Variants in ZDHHC16 observed in about 807,000 individuals in gnomAD.
The protein encoded by ZDHHC16 is palmitoyltransferase ZDHHC16.
In ZDHHC16, 33 loss-of-function variants were observed where a neutral mutation model predicts 54.4. The observed-to-expected ratio is 0.61, with a 90% CI of 0.46 to 0.81. The LOEUF (loss-of-function observed/expected upper bound fraction) is 0.81. ZDHHC16 is among the 30% of genes least tolerant of loss of function. ZDHHC16 has a pLI of 0.00. For synonymous variants in ZDHHC16, 185 were observed against 182.1 expected (o/e 1.02, Z -0.13); for missense variants, 420 against 485.9 (o/e 0.86, Z 1.28).
intron 1 of ZDHHC16, among the ~76,000 whole-genome samples, chr10:97,448,586 G>A (rs1452940313): frequency 1.3e-5 from 2 of 152,100 alleles, no homozygotes; most frequent in Non-Finnish European, 2.9e-5. Context: ...GCGAAACCCC[G>A]TCTCTACTAA....
chr10:97,448,005 C>T (rs1846263563), intron 1 of ZDHHC16, among the ~76,000 whole-genome samples: 1 of 152,222 alleles, frequency 6.6e-6, no homozygotes, highest in African/African-American at 2.4e-5. Flanking sequence ...TCCCATACCC[C>T]ATTAGCTAAT....
chr10:97,446,552 A>G (rs1162874226), intron 1 of ZDHHC16, among the ~76,000 whole-genome samples, 199 bp downstream of exon 1: 1 of 152,142 alleles, frequency 6.6e-6, no homozygotes, highest in Non-Finnish European at 1.5e-5. Context: ...AAGCGACCCA[A>G]CTCGTCTGTT....
At chr10:97,456,107 T>C in intron 11 of ZDHHC16, 63 bp downstream of exon 11, 1 of 1,555,668 alleles carries the variant, frequency 6.4e-7, no homozygotes, top group African/African-American at 1.4e-5. Flanking sequence ...AGATGTTCTA[T>C]GCCTGTGAGC....
At chr10:97,448,826 A>G (rs941208301) in intron 1 of ZDHHC16, among the ~76,000 whole-genome samples, 2 of 152,216 alleles carry the variant, frequency 1.3e-5, no homozygotes. Context: ...TAATCTAGAA[A>G]TGATTTAAAG....
chr10:97,455,669 A>G lies in ZDHHC16; in HGVS notation c.834A>G (p.Ala278=), dbSNP rs751303653. 1 of 1,614,166 alleles carries G rather than the reference A, an allele frequency of 6.2e-7. No individual in the cohort carries two copies. Among genetic ancestry groups the G allele is most frequent in the Non-Finnish European group, 8.5e-7 (1 of 1,180,034 alleles). Residue 278 remains alanine, a synonymous_variant, in exon 10 of 12, where the codon GCA becomes GCG. Transcript: ENST00000393760. ...VYLWFLCSSV[A]LALGALTVWH... is the part of the protein sequence containing the mutation. ...GCCCCTCTTTTCTTAGTTCTGTGGC[A>G]CTTGCCCTGGGTGCCCTAACTGTAT...
intron 1 of ZDHHC16, among the ~76,000 whole-genome samples, chr10:97,447,293 A>G (rs1380852402): frequency 6.6e-6 from 1 of 152,244 alleles, no homozygotes; most frequent in Non-Finnish European, 1.5e-5. Context: ...GTCTTTGTCC[A>G]GATGACATTC....
In ZDHHC16 at chr10:97,452,475, C is replaced by T. The variant is rs138262030; in HGVS notation, c.499C>T (p.Arg167Ter). 31 of 1,614,078 alleles carry T rather than the reference C, an allele frequency of 1.9e-5. No individual in the cohort carries two copies. Among genetic ancestry groups the T allele is most frequent in the South Asian group, 5.5e-5 (5 of 91,084 alleles). Residue 167 changes from arginine to a stop codon, truncating the protein, a stop_gained, in exon 5 of 12, where the codon CGA becomes TGA. Coordinates refer to ENST00000393760, the MANE Select transcript of ZDHHC16 (RefSeq NM_198046.3). LOFTEE classifies it high-confidence loss of function. ...GAAGTGCATTTACCCCAAGCCAGCC[C>T]GAACACACCACTGCAGCATCTGCAA... ...CKKCIYPKPA[R>*]THHCSICNRC...
Position 97,456,012 on chromosome 10 carries a change from C to T in ZDHHC16, c.987C>T (p.Asn329=), listed in dbSNP as rs2133235748. 6.2e-7 allele frequency: 1 copy of T among 1,614,154 alleles called. No homozygotes were observed. The highest frequency in any genetic ancestry group is 8.5e-7 in the Non-Finnish European group (1 of 1,180,006). ...RNPYNYGCLD[N]WKVFLGVDTG... The stretch of plus-strand genomic sequence containing the variant: ...CTTACAACTACGGCTGCTTGGACAA[C>T]TGGAAGGTATTCCTGGGTGTGGATA... Residue 329 remains asparagine (N), a synonymous_variant, in exon 11 of 12, where the codon AAC becomes AAT. Transcript: ENST00000393760.
At chr10:97,453,231 T>C (rs943563423) in intron 6 of ZDHHC16, among the ~76,000 whole-genome samples, 4 of 152,196 alleles carry the variant, frequency 2.6e-5, no homozygotes, top group Non-Finnish European at 4.4e-5. Flanking sequence ...CCAGCTGCTG[T>C]TCCACACAGA....
At position 97,456,085 on chromosome 10, in the gene ZDHHC16, CTG is replaced by C. The variant is rs139199872; in HGVS notation, c.1019+44_1019+45del. 8.4e-3 allele frequency: 13,340 copies of C among 1,596,612 alleles called. 75 individuals carry two copies. The highest frequency in any genetic ancestry group is 1.0e-2 in the Non-Finnish European group (11,637 of 1,165,462). Reference sequence around the variant, plus strand: ...CAGACTAATGCTGTCCAACAGAACACTGTGATGAGAAAGATGTTCTATGCCTG... The same window carrying C: ...CAGACTAATGCTGTCCAACAGAACACTGATGAGAAAGATGTTCTATGCCTG... On this transcript the variant is annotated intron_variant, in intron 11 of 11. Transcript: ENST00000393760.
rs567364313 is a variant in ZDHHC16 at position 97,449,837 on chromosome 10, C to A, written c.-185-520C>A. 6.9e-4 allele frequency among the ~76,000 whole-genome samples: 85 copies of A among 123,826 alleles called. 1 individual carries two copies. The South Asian group carries it at 0.014, about 20-fold the overall frequency. The allele number at this position is 123,826 out of a possible 152,430, so 81.2% of individuals were successfully genotyped here. On this transcript the variant is annotated intron_variant, in intron 1 of 11. Coordinates refer to ENST00000393760, the MANE Select transcript of ZDHHC16 (RefSeq NM_198046.3). Reference sequence around the variant, plus strand: ...GAGCCACTGCGCCCGGCCTTTTTTTCTCTTTTCTACACTCCCCTTAATTCT... The same window carrying A: ...GAGCCACTGCGCCCGGCCTTTTTTTATCTTTTCTACACTCCCCTTAATTCT...
intron 8 of ZDHHC16, 30 bp downstream of exon 8, chr10:97,453,876 C>G: frequency 6.2e-7 from 1 of 1,613,928 alleles, no homozygotes. Context: ...CTGCCTCCTG[C>G]TGCTCAGGCC....
In ZDHHC16 at chr10:97,456,936, A is replaced by T; in HGVS notation, c.*45A>T. On this transcript the variant is annotated 3_prime_UTR_variant, in exon 12 of 12. Transcript: ENST00000393760. ...GACTCGAGCACTCATTCTGCTCCCT[A>T]TGTTATTTCAAGGGCCTCCAAGGGC... The T allele has an allele frequency of 2.1e-6, 3 of 1,462,710 alleles. No individual in the cohort carries two copies. Among genetic ancestry groups the T allele is most frequent in the Non-Finnish European group, 2.8e-6 (3 of 1,081,332 alleles). The allele number at this position is 1,462,710 out of a possible 1,614,324, so 90.6% of individuals were successfully genotyped here. A position where few individuals can be genotyped will look rare whatever the true frequency, so the allele number is the denominator to read the frequency against.
chr10:97,448,618 G>A (rs892179495), intron 1 of ZDHHC16, among the ~76,000 whole-genome samples: 2 of 152,134 alleles, frequency 1.3e-5, no homozygotes, highest in African/African-American at 2.4e-5. Context: ...TTTGCTGGGC[G>A]AGGTGGCAGG....
In ZDHHC16 at chr10:97,449,749, C is replaced by T. The variant is rs537145604; in HGVS notation, c.-185-608C>T. 2.0e-3 allele frequency among the ~76,000 whole-genome samples: 300 copies of T among 151,944 alleles called. 1 individual carries two copies. The highest frequency in any genetic ancestry group is 2.5e-3 in the Non-Finnish European group (172 of 67,924). The stretch of plus-strand genomic sequence containing the variant: ...TTCACCACGTTGGCCAGGCTGGTCT[C>T]AAACTCCTGACCTCAAGTGATCCGC... On this transcript the variant is annotated intron_variant, in intron 1 of 11. Transcript: ENST00000393760.
At position 97,453,529 on chromosome 10, in the gene ZDHHC16, G is replaced by T; in HGVS notation, c.557-1G>T. 6.2e-7 allele frequency: 1 copy of T among 1,613,898 alleles called. No individual in the cohort carries two copies. On this transcript the variant is annotated splice_acceptor_variant, in intron 6 of 11. Coordinates refer to ENST00000393760, the MANE Select transcript of ZDHHC16 (RefSeq NM_198046.3). LOFTEE classifies it high-confidence loss of function. ...CTAGTCCTTAATCATTTCCCAACCA[G>T]CCTGGCTAAACAATTGTGTGGGCCA...
rs1391166449 is a variant in ZDHHC16 at position 97,456,936 on chromosome 10, A to G, written c.*45A>G. 3.4e-6 allele frequency: 5 copies of G among 1,462,710 alleles called. No individual in the cohort carries two copies. Among genetic ancestry groups the G allele is most frequent in the South Asian group, 2.6e-5 (2 of 77,882 alleles). 90.6% of individuals were successfully genotyped at this position (1,462,710 alleles called of 1,614,324 possible). A position where few individuals can be genotyped will look rare whatever the true frequency, so the allele number is the denominator to read the frequency against. On this transcript the variant is annotated 3_prime_UTR_variant, in exon 12 of 12. Coordinates refer to ENST00000393760, the MANE Select transcript of ZDHHC16 (RefSeq NM_198046.3). ...GACTCGAGCACTCATTCTGCTCCCT[A>G]TGTTATTTCAAGGGCCTCCAAGGGC...
Position 97,451,931 on chromosome 10 carries a change from C to A in ZDHHC16, c.243+13C>A, listed in dbSNP as rs771371681. On this transcript the variant is annotated intron_variant, in intron 3 of 11. Coordinates refer to ENST00000393760, the MANE Select transcript of ZDHHC16 (RefSeq NM_198046.3). ...CTGGTTTGGAGTGGTGAGTGATGTCCAGGGAGCAGGAAAAGGGGTGTTGTG... is the reference window on the plus strand; with the variant it reads ...CTGGTTTGGAGTGGTGAGTGATGTCAAGGGAGCAGGAAAAGGGGTGTTGTG... The A allele has an allele frequency of 1.1e-5, 18 of 1,602,044 alleles. No homozygotes were observed. In the South Asian group the frequency reaches 2.0e-4, roughly 18 times the overall value.
chr10:97,453,779 ACT>A lies in ZDHHC16; in HGVS notation c.691-19_691-18del. ...CTAGAGGCCTGAGAGTATAACCAGC[ACT>A]GTTTTCCGTCCCCTTAGAAAATGAA... On this transcript the variant is annotated intron_variant, in intron 7 of 11. Coordinates refer to ENST00000393760, the MANE Select transcript of ZDHHC16 (RefSeq NM_198046.3). 1 of 1,614,156 alleles carries A rather than the reference ACT, an allele frequency of 6.2e-7. No homozygotes were observed. The highest frequency in any genetic ancestry group is 8.5e-7 in the Non-Finnish European group (1 of 1,180,024).
Sources: gnomAD v4.1 joint callset for allele counts (sites outside exome capture counted in the v4.1 genomes callset) on GRCh38, gnomAD v4.1.1 for gene constraint, MANE v1.5 for transcripts, NCBI Gene and HGNC (gene_info 2026-07-23, HGNC 2026-07-21) for gene names.